The following MGAT5 variants were observed in gnomAD, a reference collection of about 807,000 sequenced individuals.
The protein encoded by MGAT5 is alpha-1,6-mannosylglycoprotein 6-beta-N-acetylglucosaminyltransferase.
A neutral mutation model predicts 94.3 loss-of-function variants in MGAT5; 30 were observed. The ratio of observed to expected loss-of-function variants is 0.32; its 90% CI spans 0.24 to 0.43. The LOEUF (loss-of-function observed/expected upper bound fraction) is 0.43. MGAT5 is among the 20% of genes least tolerant of loss of function. The pLI is 1.00. For missense variants in MGAT5, 691 were observed against 905.5 expected, an observed-to-expected ratio of 0.76 and a Z score of 3.04; for synonymous variants, 310 against 322.9, an observed-to-expected ratio of 0.96 and a Z score of 0.43.
At chr2:134,121,096 G>A (rs1471974106) in intron 1 of MGAT5, among the ~76,000 whole-genome samples, 4 of 152,210 alleles carry the variant, frequency 2.6e-5, no homozygotes, top group Non-Finnish European at 4.4e-5. Context: ...TGGGGGCGGC[G>A]GGGCTAGGGA....
intron 1 of MGAT5, among the ~76,000 whole-genome samples, chr2:134,134,535 A>G (rs1686320180): frequency 1.3e-5 from 2 of 152,180 alleles, no homozygotes. Context: ...TACAGGGTGT[A>G]AGCCACACAA....
chr2:134,338,590 A>G (rs1034793223), intron 6 of MGAT5, among the ~76,000 whole-genome samples, 170 bp downstream of exon 6: 6 of 152,168 alleles, frequency 3.9e-5, no homozygotes, highest in East Asian at 1.9e-4. Flanking sequence ...CCCACTTACA[A>G]TGCTCCCACT....
At chr2:134,233,944 T>C (rs1681500427) in intron 1 of MGAT5, among the ~76,000 whole-genome samples, 1 of 152,202 alleles carries the variant, frequency 6.6e-6, no homozygotes, top group African/African-American at 2.4e-5. Context: ...AGCAGACTTC[T>C]AAGAGAGGAT....
At chr2:134,235,077 G>A (rs929429468) in intron 1 of MGAT5, among the ~76,000 whole-genome samples, 14 of 152,068 alleles carry the variant, frequency 9.2e-5, no homozygotes, top group African/African-American at 3.4e-4. Flanking sequence ...TGGAAAATTG[G>A]AAGATCTAGC....
upstream of MGAT5, among the ~76,000 whole-genome samples, chr2:134,252,480 G>A (rs926121914): frequency 1.3e-5 from 2 of 152,184 alleles, no homozygotes; most frequent in Non-Finnish European, 2.9e-5. Context: ...CTGGTCAAGG[G>A]CTCTGAAACA....
At chr2:134,236,367 G>T (rs779634215) in intron 1 of MGAT5, among the ~76,000 whole-genome samples, 56 of 152,176 alleles carry the variant, frequency 3.7e-4, no homozygotes, top group Non-Finnish European at 7.6e-4. Context: ...AGGCTTCTCT[G>T]CAGCCCAAAA....
At chr2:134,422,363 A>T (rs1347578687) in intron 12 of MGAT5, among the ~76,000 whole-genome samples, 2 of 152,016 alleles carry the variant, frequency 1.3e-5, no homozygotes, top group African/African-American at 4.8e-5. Context: ...TTTTTCTATC[A>T]CCTTTTGTAT....
intron 10 of MGAT5, among the ~76,000 whole-genome samples, chr2:134,372,270 G>A (rs1680857811): frequency 1.3e-5 from 2 of 152,162 alleles, no homozygotes; most frequent in Non-Finnish European, 2.9e-5. Context: ...AGTGCTCCGG[G>A]CCTTTGCTTC....
At chr2:134,447,463 AT>A (rs1685853365) in intron 15 of MGAT5, among the ~76,000 whole-genome samples, 1 of 152,206 alleles carries the variant, frequency 6.6e-6, no homozygotes. Context: ...GCAGTAAAGA[AT>A]CATTTATCCC....
intron 1 of MGAT5, among the ~76,000 whole-genome samples, chr2:134,148,043 C>G (rs1687003417): frequency 6.6e-6 from 1 of 152,174 alleles, no homozygotes; most frequent in Admixed American, 6.5e-5. Flanking sequence ...CTTGGTGTAA[C>G]TTAATGAAGA....
At chr2:134,160,244 G>T (rs951423066) in intron 1 of MGAT5, among the ~76,000 whole-genome samples, 3 of 152,126 alleles carry the variant, frequency 2.0e-5, no homozygotes, top group Admixed American at 1.3e-4. Flanking sequence ...CGCAATCTCG[G>T]CTCACTGCAA....
intron 8 of MGAT5, among the ~76,000 whole-genome samples, chr2:134,347,611 T>C (rs1233052078): frequency 6.6e-6 from 1 of 152,080 alleles, no homozygotes; most frequent in Non-Finnish European, 1.5e-5. Context: ...AACAATACAA[T>C]AATAAAAATA....
At chr2:134,134,307 A>C (rs537713877) in intron 1 of MGAT5, among the ~76,000 whole-genome samples, 2 of 152,134 alleles carry the variant, frequency 1.3e-5, no homozygotes, top group Non-Finnish European at 2.9e-5. Context: ...TAGCAACAGA[A>C]ACCTGCCAGA....
At chr2:134,407,939 C>G (rs1558864518) in intron 11 of MGAT5, among the ~76,000 whole-genome samples, 1 of 152,172 alleles carries the variant, frequency 6.6e-6, no homozygotes, top group Non-Finnish European at 1.5e-5. Context: ...TGCGATGCAC[C>G]TGTCTATGGG....
chr2:134,179,785 A>G (rs1688648477), intron 1 of MGAT5, among the ~76,000 whole-genome samples: 1 of 152,196 alleles, frequency 6.6e-6, no homozygotes, highest in Non-Finnish European at 1.5e-5. Context: ...TATGAGAGTG[A>G]GACCTGCCGG....
chr2:134,257,241 GT>G (rs1368054152), intron 1 of MGAT5, among the ~76,000 whole-genome samples: 3 of 152,058 alleles, frequency 2.0e-5, no homozygotes, highest in Non-Finnish European at 4.4e-5. Context: ...TTTTTTGTTT[GT>G]TTGTTTCTGA....
intron 14 of MGAT5, among the ~76,000 whole-genome samples, chr2:134,434,543 T>G (rs12476549): frequency 0.028 from 4,215 of 152,364 alleles, 133 homozygotes; most frequent in African/African-American, 0.069. Context: ...TAGAATAGTT[T>G]CCTTTTCTAC....
At chr2:134,157,857 A>G (rs1289534212) in intron 1 of MGAT5, among the ~76,000 whole-genome samples, 1 of 152,126 alleles carries the variant, frequency 6.6e-6, no homozygotes, top group Non-Finnish European at 1.5e-5. Flanking sequence ...AGCAAGGCAG[A>G]GAGGGTCTTC....
At chr2:134,240,936 CT>C (rs1390021009) in intron 1 of MGAT5, among the ~76,000 whole-genome samples, 7 of 152,318 alleles carry the variant, frequency 4.6e-5, no homozygotes, top group African/African-American at 1.7e-4. Flanking sequence ...TAAAAATAAA[CT>C]TTCAAGGTAT....
Sources: allele counts gnomAD v4.1 joint callset (sites outside exome capture counted in the v4.1 genomes callset), GRCh38; gene constraint gnomAD v4.1.1; transcripts MANE v1.5; gene names NCBI Gene and HGNC (gene_info 2026-07-23, HGNC 2026-07-21).